The following UBXN7 variants were observed in gnomAD, a reference collection of about 807,000 sequenced individuals.
The protein encoded by UBXN7 is UBX domain protein 7.
In UBXN7, 9 loss-of-function variants were observed where a neutral mutation model predicts 58.0. The observed-to-expected ratio is 0.16, with a 90% CI of 0.09 to 0.27. The LOEUF (loss-of-function observed/expected upper bound fraction) is 0.27. Ranked by LOEUF, UBXN7 falls within the 10% of genes least tolerant of loss-of-function variation. The pLI, the probability that UBXN7 is intolerant of heterozygous loss-of-function variation, is 1.00. For synonymous variants in UBXN7, 208 were observed against 205.0 expected, an observed-to-expected ratio of 1.01 and a Z score of -0.12; for missense variants, 328 against 599.6, an observed-to-expected ratio of 0.55 and a Z score of 4.73.
chr3:196,350,039 T>C lies in UBXN7; in HGVS notation c.*6646A>G, dbSNP rs1728175845. 1 of 152,226 alleles carries C rather than the reference T, an allele frequency of 6.6e-6. No individual in the cohort carries two copies. The allele number at this position is 152,226 out of a possible 1,614,324, so 9.4% of individuals were successfully genotyped here. A position where few individuals can be genotyped will look rare whatever the true frequency, so the allele number is the denominator to read the frequency against. ...GTTGCCAAAGAATTAAGTACAATAA[T>C]GCGACTTCTCATATTTATAGATTAA... On this transcript the variant is annotated 3_prime_UTR_variant, in exon 11 of 11. Coordinates refer to ENST00000296328, the MANE Select transcript of UBXN7 (RefSeq NM_015562.2).
At chr3:196,372,827 C>A (rs1728882440) in intron 5 of UBXN7, among the ~76,000 whole-genome samples, 1 of 151,886 alleles carries the variant, frequency 6.6e-6, no homozygotes, top group South Asian at 2.1e-4. Flanking sequence ...CTCACTACAA[C>A]CTCCACCTAC....
chr3:196,431,876 C>A (rs1731066301), intron 1 of UBXN7: 1 of 362,478 alleles, frequency 2.8e-6, no homozygotes, highest in African/African-American at 2.2e-5. Flanking sequence ...GGCCGGGGAC[C>A]GGGGCAGAAT....
chr3:196,400,985 A>AG (rs1729944471), intron 3 of UBXN7, among the ~76,000 whole-genome samples: 1 of 152,002 alleles, frequency 6.6e-6, no homozygotes, highest in African/African-American at 2.4e-5. Flanking sequence ...ATCTGCAGTG[A>AG]GCAGTCCAGA....
In UBXN7 at chr3:196,386,380, TAAAAAAA is replaced by T. The variant is rs34268326; in HGVS notation, c.468+5426_468+5432del. Among the ~76,000 whole-genome samples, 20 of 57,760 alleles carry T rather than the reference TAAAAAAA, an allele frequency of 3.5e-4. 1 individual carries two copies. The East Asian group carries it at 5.5e-3, about 16-fold the overall frequency. The allele number at this position is 57,760 out of a possible 152,430, so 37.9% of individuals were successfully genotyped here. On this transcript the variant is annotated intron_variant, in intron 5 of 10. Transcript: ENST00000296328. ...ACACCCAAGAATGATTAATAAACAC[TAAAAAAA>T]AAAAAAAAAAAAAAAAAAGGAAATG...
chr3:196,417,819 GGAGGCT>G (rs1205409144), intron 1 of UBXN7, among the ~76,000 whole-genome samples: 1 of 150,138 alleles, frequency 6.7e-6, no homozygotes, highest in African/African-American at 2.5e-5. Context: ...CAGCTACTCA[GGAGGCT>G]GAGGTGGAAG....
intron 5 of UBXN7, among the ~76,000 whole-genome samples, chr3:196,379,892 T>C (rs1283372847): frequency 6.6e-6 from 1 of 152,038 alleles, no homozygotes; most frequent in Admixed American, 6.6e-5. Flanking sequence ...CGGATCCAGA[T>C]CCCAAGAGAG....
intron 5 of UBXN7, among the ~76,000 whole-genome samples, chr3:196,382,577 C>A (rs1285394261): frequency 6.6e-6 from 1 of 152,160 alleles, no homozygotes; most frequent in Non-Finnish European, 1.5e-5. Flanking sequence ...GAAACTGCAT[C>A]AACTAATGGG....
intron 1 of UBXN7, among the ~76,000 whole-genome samples, chr3:196,422,661 C>G (rs1161646338): frequency 6.6e-6 from 1 of 152,124 alleles, no homozygotes; most frequent in African/African-American, 2.4e-5. Flanking sequence ...AGCCACTATA[C>G]TTTCCAAAGT....
intron 1 of UBXN7, among the ~76,000 whole-genome samples, chr3:196,413,786 G>A (rs1011085683): frequency 3.3e-5 from 5 of 152,108 alleles, no homozygotes; most frequent in African/African-American, 1.2e-4. Context: ...GACTGTCCAA[G>A]GATACCAAAA....
At chr3:196,385,128 G>A (rs561112045) in intron 5 of UBXN7, among the ~76,000 whole-genome samples, 16 of 152,146 alleles carry the variant, frequency 1.1e-4, no homozygotes, top group Non-Finnish European at 2.9e-5. Context: ...TCAGCCTGCC[G>A]AGTGCCTGGG....
rs141365950 is a variant in UBXN7 at position 196,419,302 on chromosome 3, A to G, written c.74-11909T>C. On this transcript the variant is annotated intron_variant, in intron 1 of 10. Transcript: ENST00000296328. ...CTGTCTCTAAATAAATTAAATAAAT[A>G]AATAAATAAATAAATAAATAAACAA... Among the ~76,000 whole-genome samples, 633 of 150,010 alleles carry G rather than the reference A, an allele frequency of 4.2e-3. 4 individuals are homozygous for G. Among genetic ancestry groups the G allele is most frequent in the African/African-American group, 0.015 (589 of 40,496 alleles).
At chr3:196,358,942 T>A (rs1333239613) in intron 10 of UBXN7, among the ~76,000 whole-genome samples, 1 of 151,470 alleles carries the variant, frequency 6.6e-6, no homozygotes. Flanking sequence ...ATTACAGGAG[T>A]GAGCCACTGC....
At chr3:196,368,271 T>A (rs999890589) in intron 7 of UBXN7, 116 bp from the exon 8 acceptor site, 2 of 1,064,004 alleles carry the variant, frequency 1.9e-6, no homozygotes, top group Non-Finnish European at 2.6e-6. Flanking sequence ...TCATTAAGTA[T>A]CTCTTTCAGC....
intron 10 of UBXN7, among the ~76,000 whole-genome samples, chr3:196,360,932 G>A (rs960136316): frequency 3.9e-5 from 6 of 152,108 alleles, no homozygotes; most frequent in Admixed American, 1.3e-4. Flanking sequence ...GAGCCGGGGC[G>A]GGGAGTCAAG....
At chr3:196,392,870 C>T (rs1039686202) in intron 4 of UBXN7, among the ~76,000 whole-genome samples, 1 of 152,082 alleles carries the variant, frequency 6.6e-6, no homozygotes, top group Non-Finnish European at 1.5e-5. Context: ...TGTCACCTTC[C>T]ACTGGAAGGA....
At chr3:196,370,729 T>TA (rs1728802357) in intron 6 of UBXN7, among the ~76,000 whole-genome samples, 1 of 150,918 alleles carries the variant, frequency 6.6e-6, no homozygotes, top group Non-Finnish European at 1.5e-5. Flanking sequence ...AAATAAAAAA[T>TA]AAAAAAATTG....
chr3:196,390,939 A>T (rs1729563655), intron 5 of UBXN7, among the ~76,000 whole-genome samples: 1 of 152,180 alleles, frequency 6.6e-6, no homozygotes, highest in Non-Finnish European at 1.5e-5. Context: ...CCCAAGGATT[A>T]TTAAAAAGAA....
intron 1 of UBXN7, chr3:196,423,480 G>A: frequency 4.1e-6 from 1 of 242,276 alleles, no homozygotes; most frequent in Non-Finnish European, 8.3e-6. Flanking sequence ...TGGGGCTTGG[G>A]GTACTTGTTC....
At chr3:196,378,905 G>C (rs1729114838) in intron 5 of UBXN7, among the ~76,000 whole-genome samples, 1 of 130,018 alleles carries the variant, frequency 7.7e-6, no homozygotes, top group Non-Finnish European at 1.6e-5. Flanking sequence ...GTTTTAGCCA[G>C]CTTCTTTCCA....
Sources: gnomAD v4.1 joint callset for allele counts (sites outside exome capture counted in the v4.1 genomes callset) on GRCh38, gnomAD v4.1.1 for gene constraint, MANE v1.5 for transcripts, NCBI Gene and HGNC (gene_info 2026-07-23, HGNC 2026-07-21) for gene names.